The following MYH9 variants were observed in gnomAD, a reference collection of about 807,000 sequenced individuals.
The protein encoded by MYH9 is myosin heavy chain 9, also known as myosin-9.
In MYH9, 29 loss-of-function variants were observed where a neutral mutation model predicts 241.9. The ratio of observed to expected loss-of-function variants is 0.12; its 90% CI spans 0.09 to 0.16. MYH9 has a LOEUF of 0.16. Ranked by LOEUF, MYH9 falls within the 10% of genes least tolerant of loss-of-function variation. MYH9 has a pLI of 1.00. For missense variants in MYH9, 1,803 were observed against 2,595.5 expected (o/e 0.69, Z 6.63); for synonymous variants, 1,047 against 1,062.6 (o/e 0.99, Z 0.29).
chr22:36,346,792 G>A lies in MYH9; in HGVS notation c.333+2112C>T, dbSNP rs541234167. Among the ~76,000 whole-genome samples, 21 of 152,144 alleles carry A rather than the reference G, an allele frequency of 1.4e-4. No individual in the cohort carries two copies. In the South Asian group the frequency reaches 4.4e-3, roughly 32 times the overall value. ...TCTAATTTTTTTATTTTTTTGTAGA[G>A]ATGGGGTTTCACCATGTTGCCCAGA... On this transcript the variant is annotated intron_variant, in intron 2 of 40. Transcript: ENST00000216181.
In MYH9 at chr22:36,300,472, G is replaced by A. The variant is rs1277548076; in HGVS notation, c.2839-208C>T. Among the ~76,000 whole-genome samples the A allele has an allele frequency of 6.6e-6, 1 of 152,254 alleles. No individual in the cohort carries two copies. Among genetic ancestry groups the A allele is most frequent in the East Asian group, 1.9e-4 (1 of 5,202 alleles). On this transcript the variant is annotated intron_variant, in intron 22 of 40. Transcript: ENST00000216181. The surrounding 1 kb of genome is among the most constrained non-coding windows in gnomAD (Gnocchi z 5.0). ...CCCAAGCCCCATTTGTAGGATTCCAGATTTCAAACTGGGACACAGGGCCAG... is the reference window on the plus strand; with the variant it reads ...CCCAAGCCCCATTTGTAGGATTCCAAATTTCAAACTGGGACACAGGGCCAG...
chr22:36,322,628 G>A (rs1274861887), intron 5 of MYH9, 107 bp from the exon 6 acceptor site: 10 of 1,116,390 alleles, frequency 9.0e-6, no homozygotes, highest in Middle Eastern at 2.4e-4. Flanking sequence ...CATGTCCAAC[G>A]TGCCAGGAAC....
chr22:36,291,025 G>A (rs1368443073), intron 31 of MYH9, among the ~76,000 whole-genome samples: 1 of 150,186 alleles, frequency 6.7e-6, no homozygotes. Context: ...GAGCGTCTCC[G>A]CCCGGCAGCC....
intron 39 of MYH9, 27 bp from the exon 40 acceptor site, chr22:36,284,292 GC>G: frequency 6.2e-7 from 1 of 1,605,714 alleles, no homozygotes; most frequent in Non-Finnish European, 8.5e-7. Flanking sequence ...GTGGCCCGTG[GC>G]CCCGGTTAGG....
At chr22:36,376,678 G>T (rs1045308854) in intron 1 of MYH9, among the ~76,000 whole-genome samples, 5 of 152,180 alleles carry the variant, frequency 3.3e-5, no homozygotes, top group African/African-American at 1.2e-4. Flanking sequence ...TCCTCCCAGG[G>T]ATTCCCCGAT....
chr22:36,289,836 T>C (rs1193516672), intron 31 of MYH9, among the ~76,000 whole-genome samples: 1 of 152,184 alleles, frequency 6.6e-6, no homozygotes, highest in Non-Finnish European at 1.5e-5. Context: ...TTGCTGACCA[T>C]TTCCTAAAGG....
At chr22:36,364,510 G>C (rs1171991409) in intron 1 of MYH9, among the ~76,000 whole-genome samples, 1 of 152,120 alleles carries the variant, frequency 6.6e-6, no homozygotes, top group African/African-American at 2.4e-5. Flanking sequence ...TGTGGCTCAT[G>C]TCTCCCCTTA....
chr22:36,348,424 G>A (rs1402971153), intron 2 of MYH9, among the ~76,000 whole-genome samples: 3 of 150,250 alleles, frequency 2.0e-5, no homozygotes, highest in African/African-American at 4.9e-5. Flanking sequence ...AAGGAAAATC[G>A]CTTGAACCCA....
At chr22:36,312,019 G>A (rs750814657) in intron 14 of MYH9, 30 bp downstream of exon 14, 1 of 1,612,866 alleles carries the variant, frequency 6.2e-7, no homozygotes, top group South Asian at 1.1e-5. Flanking sequence ...GTGAAGATCT[G>A]GCCAGCACCT....
At chr22:36,336,481 CACA>C (rs1196718593) in intron 3 of MYH9, among the ~76,000 whole-genome samples, 2 of 152,278 alleles carry the variant, frequency 1.3e-5, no homozygotes, top group African/African-American at 4.8e-5. Flanking sequence ...GGGCCAGCAA[CACA>C]ACGTTTACGC....
At position 36,369,385 on chromosome 22, in the gene MYH9, C is replaced by T. The variant is rs13055020; in HGVS notation, c.-20+18422G>A. 5.3e-5 allele frequency among the ~76,000 whole-genome samples: 8 copies of T among 152,324 alleles called. No homozygotes were observed. The South Asian group carries it at 1.5e-3, about 28-fold the overall frequency. ...AGCATTTGGCATTATATACCCACCT[C>T]CCCCTCGCCCTGGCAAAGGCAGGAA... On this transcript the variant is annotated intron_variant, in intron 1 of 40. Transcript: ENST00000216181.
intron 7 of MYH9, 133 bp from the exon 8 acceptor site, chr22:36,321,029 T>C: frequency 1.5e-6 from 1 of 667,464 alleles, no homozygotes. Context: ...CTCGGCTCAC[T>C]GCAGCCTCCA....
Position 36,301,680 on chromosome 22 carries a change from A to T in MYH9, c.2500-15T>A, listed in dbSNP as rs370263996. Reference sequence around the variant, plus strand: ...AGCGGCTTGACCTGGGAGAGGAGATAGAGGTAGAGACATGCTCGGCTGGAA... The same window carrying T: ...AGCGGCTTGACCTGGGAGAGGAGATTGAGGTAGAGACATGCTCGGCTGGAA... On this transcript the variant is annotated splice_polypyrimidine_tract_variant and intron_variant, in intron 20 of 40. Coordinates refer to ENST00000216181, the MANE Select transcript of MYH9 (RefSeq NM_002473.6). 1.2e-6 allele frequency: 2 copies of T among 1,612,404 alleles called. No individual in the cohort carries two copies. The highest frequency in any genetic ancestry group is 1.7e-6 in the Non-Finnish European group (2 of 1,179,940).
chr22:36,302,493 C>G lies in MYH9; in HGVS notation c.2499+75G>C, dbSNP rs563402386. On this transcript the variant is annotated intron_variant, in intron 20 of 40. Coordinates refer to ENST00000216181, the MANE Select transcript of MYH9 (RefSeq NM_002473.6). ...TGAGACCACACCTCTACAAAAAATA[C>G]AAACAATTAGCCAGGTATGTATGGT... 53 of 1,320,272 alleles carry G rather than the reference C, an allele frequency of 4.0e-5. No homozygotes were observed. In the African/African-American group the frequency reaches 6.2e-4, roughly 15 times the overall value. The allele number at this position is 1,320,272 out of a possible 1,614,324, so 81.8% of individuals were successfully genotyped here. A position where few individuals can be genotyped will look rare whatever the true frequency, so the allele number is the denominator to read the frequency against.
chr22:36,361,370 G>C, intron 1 of MYH9, among the ~76,000 whole-genome samples: 1 of 152,156 alleles, frequency 6.6e-6, no homozygotes, highest in East Asian at 1.9e-4. Flanking sequence ...GGGGGGCTCA[G>C]GTGACTGCTG....
At chr22:36,304,990 G>A in intron 18 of MYH9, 43 bp downstream of exon 18, 6 of 1,596,366 alleles carry the variant, frequency 3.8e-6, no homozygotes, top group Admixed American at 1.7e-5. Context: ...CCCCAGACAA[G>A]GGGCTGCCCA....
At chr22:36,296,796 G>T (rs763031649) in intron 25 of MYH9, 47 bp downstream of exon 25, 4 of 1,561,948 alleles carry the variant, frequency 2.6e-6, no homozygotes, top group Non-Finnish European at 2.6e-6. Flanking sequence ...AAGCAGGAAG[G>T]GCTGGCCCAG....
chr22:36,362,324 C>T (rs1286339861), intron 1 of MYH9, among the ~76,000 whole-genome samples: 3 of 152,198 alleles, frequency 2.0e-5, no homozygotes, highest in Non-Finnish European at 4.4e-5. Flanking sequence ...CGTCCTACGA[C>T]AGTGAGAAGT....
intron 2 of MYH9, among the ~76,000 whole-genome samples, chr22:36,347,864 T>TGG (rs2017702539): frequency 7.1e-6 from 1 of 141,286 alleles, no homozygotes; most frequent in Non-Finnish European, 1.5e-5. Flanking sequence ...TTGGGGCAAA[T>TGG]GGTGAAGGGA....
Sources: gnomAD v4.1 joint callset for allele counts (sites outside exome capture counted in the v4.1 genomes callset) on GRCh38, gnomAD v4.1.1 for gene constraint, Gnocchi (gnomAD v3.1) non-coding constraint, MANE v1.5 for transcripts, NCBI Gene and HGNC (gene_info 2026-07-23, HGNC 2026-07-21) for gene names.